The following ADAM29 variants were observed in gnomAD, a reference collection of about 807,000 sequenced individuals.
ADAM29 encodes disintegrin and metalloproteinase domain-containing protein 29.
For synonymous variants in ADAM29, 367 were observed against 342.3 expected (o/e 1.07, Z -0.80); for missense variants, 969 against 1,001.8 (o/e 0.97, Z 0.44).
At position 174,977,769 on chromosome 4, in the gene ADAM29, C is replaced by A; in HGVS notation, c.2244C>A (p.Ser748=). 6.2e-7 allele frequency: 1 copy of A among 1,603,168 alleles called. No homozygotes were observed. The highest frequency in any genetic ancestry group is 1.1e-5 in the South Asian group (1 of 90,650). Residue 748 remains serine, a synonymous_variant, in exon 5 of 5, where the codon TCC becomes TCA. Transcript: ENST00000359240. ...PSQSQPPVTP[S]QSHPQVMPSQ... ...AGAGTCAACCTCCTGTGACGCCTTCCCAGAGTCATCCTCAGGTGATGCCTT... is the reference window on the plus strand; with the variant it reads ...AGAGTCAACCTCCTGTGACGCCTTCACAGAGTCATCCTCAGGTGATGCCTT...
At chr4:174,971,008 AC>A (rs1316571024) in intron 4 of ADAM29, among the ~76,000 whole-genome samples, 1 of 152,056 alleles carries the variant, frequency 6.6e-6, no homozygotes, top group Non-Finnish European at 1.5e-5. Context: ...CTAACACCCT[AC>A]CCCACACTTT....
chr4:174,938,610 A>G (rs1422431734), intron 4 of ADAM29, among the ~76,000 whole-genome samples: 1 of 152,130 alleles, frequency 6.6e-6, no homozygotes, highest in African/African-American at 2.4e-5. Context: ...AACTTATACT[A>G]CTCAGATGAC....
At chr4:174,962,879 G>A (rs1397931088) in intron 4 of ADAM29, among the ~76,000 whole-genome samples, 1 of 152,072 alleles carries the variant, frequency 6.6e-6, no homozygotes, top group African/African-American at 2.4e-5. Flanking sequence ...GTTGATAATT[G>A]AGTCAAGCAC....
chr4:174,972,509 C>G (rs1302754149), intron 4 of ADAM29, among the ~76,000 whole-genome samples: 1 of 152,174 alleles, frequency 6.6e-6, no homozygotes, highest in African/African-American at 2.4e-5. Context: ...TAGACTGTAC[C>G]AGACCCATCA....
rs368537307 is a variant in ADAM29, at chr4:174,962,778, T to A, written c.-180-12568T>A. Among the ~76,000 whole-genome samples the A allele has an allele frequency of 5.8e-3, 882 of 151,890 alleles. 6 individuals are homozygous for A. Among genetic ancestry groups the A allele is most frequent in the African/African-American group, 0.02 (846 of 41,314 alleles). On this transcript the variant is annotated intron_variant, in intron 4 of 4. Transcript: ENST00000359240. ...TTATATGTCAATGAAAAAAATAAAT[T>A]TGAAAGAAAAAAAAACTTTGAATTA...
At chr4:174,947,752 A>G (rs1560874571) in intron 4 of ADAM29, among the ~76,000 whole-genome samples, 1 of 152,194 alleles carries the variant, frequency 6.6e-6, no homozygotes, top group African/African-American at 2.4e-5. Flanking sequence ...GATGTCTGTT[A>G]GGTCCATTTG....
chr4:174,965,516 T>TATCTATC (rs1318109491), intron 4 of ADAM29, among the ~76,000 whole-genome samples: 3 of 150,046 alleles, frequency 2.0e-5, no homozygotes, highest in Admixed American at 6.6e-5. Context: ...TCTATCTATC[T>TATCTATC]ATCTATCATC....
At chr4:174,921,355 G>A (rs978448216) in intron 2 of ADAM29, among the ~76,000 whole-genome samples, 3 of 152,150 alleles carry the variant, frequency 2.0e-5, no homozygotes, top group Non-Finnish European at 4.4e-5. Context: ...CACACATGTA[G>A]GACAAACTGG....
intron 3 of ADAM29, among the ~76,000 whole-genome samples, chr4:174,936,721 G>T (rs1037121873): frequency 2.0e-5 from 3 of 151,536 alleles, no homozygotes; most frequent in Non-Finnish European, 4.4e-5. Flanking sequence ...GAAGCATAAA[G>T]TTCATGTCAT....
chr4:174,932,322 G>A (rs948514201), intron 3 of ADAM29, among the ~76,000 whole-genome samples: 2 of 152,056 alleles, frequency 1.3e-5, no homozygotes, highest in African/African-American at 4.8e-5. Flanking sequence ...GACAATATAT[G>A]AAGTTTTCCT....
At chr4:174,929,012 T>A (rs1287607294) in intron 2 of ADAM29, among the ~76,000 whole-genome samples, 1 of 152,216 alleles carries the variant, frequency 6.6e-6, no homozygotes, top group Non-Finnish European at 1.5e-5. Context: ...GAAACTTGTC[T>A]GAAGTTGAGT....
chr4:174,977,466 G>A lies in ADAM29; in HGVS notation c.1941G>A (p.Leu647=), dbSNP rs780455725. The change falls in exon 5 of 5, where the codon CTG becomes CTA. Residue 647 remains leucine (L), a synonymous_variant. Transcript: ENST00000359240. ...NNKHHCHCNY[L]WDPPNCLIKG... The stretch of plus-strand genomic sequence containing the variant: ...AACATCACTGCCATTGCAATTATCT[G>A]TGGGACCCTCCCAACTGCCTGATAA... The A allele has an allele frequency of 7.4e-6, 12 of 1,613,976 alleles. No homozygotes were observed. The South Asian group carries it at 1.2e-4, about 16-fold the overall frequency.
Position 174,976,736 on chromosome 4 carries a change from T to C in ADAM29, c.1211T>C (p.Val404Ala). ...AATGTGAAGCGCTGTGGGAATGGTG[T>C]TGTTGAAGAAGGAGAAGAGTGTGAC... The part of the protein sequence containing the change: ...IFNVKRCGNG[V>A]VEEGEECDCG... Residue 404 changes from valine to alanine, a missense_variant, in exon 5 of 5, where the codon GTT (valine) becomes GCT (alanine). Val to Ala is a moderately conservative substitution (Grantham distance 64). Coordinates refer to ENST00000359240, the MANE Select transcript of ADAM29 (RefSeq NM_014269.4). 1 of 1,613,872 alleles carries C rather than the reference T, an allele frequency of 6.2e-7. No homozygotes were observed. The highest frequency in any genetic ancestry group is 8.5e-7 in the Non-Finnish European group (1 of 1,179,870).
At chr4:174,960,103 T>TG (rs1745723219) in intron 4 of ADAM29, among the ~76,000 whole-genome samples, 1 of 152,060 alleles carries the variant, frequency 6.6e-6, no homozygotes, top group Non-Finnish European at 1.5e-5. Flanking sequence ...AAGTTGTTTA[T>TG]AATATTTTCT....
intron 2 of ADAM29, among the ~76,000 whole-genome samples, chr4:174,929,454 T>G (rs28465148): frequency 0.19 from 28,650 of 151,978 alleles, 3,356 homozygotes; most frequent in African/African-American, 0.33. Context: ...AGCGGACGAT[T>G]TGAGGAGTGA....
chr4:174,963,146 A>G (rs1745946703), intron 4 of ADAM29, among the ~76,000 whole-genome samples: 1 of 152,184 alleles, frequency 6.6e-6, no homozygotes, highest in African/African-American at 2.4e-5. Context: ...TAATAAGGAA[A>G]AAAAATATAA....
rs1328876565 is a variant in ADAM29, at chr4:174,924,529, A to G, written c.-451+3737A>G. Among the ~76,000 whole-genome samples, 3 of 152,240 alleles carry G rather than the reference A, an allele frequency of 2.0e-5. No homozygotes were observed. In the East Asian group the frequency reaches 5.8e-4, roughly 29 times the overall value. On this transcript the variant is annotated intron_variant, in intron 2 of 4. Transcript: ENST00000359240. Reference sequence around the variant, plus strand: ...GCATGTCAATGTATATAGCAGCTTTATTCATAATCATCAGAAAGTGTAAGT... The same window carrying G: ...GCATGTCAATGTATATAGCAGCTTTGTTCATAATCATCAGAAAGTGTAAGT...
chr4:174,921,534 C>T (rs539130870), intron 2 of ADAM29, among the ~76,000 whole-genome samples: 67 of 152,260 alleles, frequency 4.4e-4, no homozygotes, highest in Non-Finnish European at 8.2e-4. Flanking sequence ...TCCAGATGGA[C>T]GCACAAAAGC....
intron 4 of ADAM29, 130 bp from the exon 5 acceptor site, chr4:174,975,216 C>T (rs553539756): frequency 8.2e-6 from 2 of 243,088 alleles, no homozygotes; most frequent in Non-Finnish European, 1.6e-5. Context: ...TTTTTTGAGT[C>T]ATTCCTTGAT....
Sources: gnomAD v4.1 joint callset for allele counts (sites outside exome capture counted in the v4.1 genomes callset) on GRCh38, gnomAD v4.1.1 for gene constraint, MANE v1.5 for transcripts, NCBI Gene and HGNC (gene_info 2026-07-23, HGNC 2026-07-21) for gene names.